The following TTL variants were observed in gnomAD, a reference collection of about 807,000 sequenced individuals.
TTL encodes tubulin tyrosine ligase, also known as tubulin--tyrosine ligase.
A neutral mutation model predicts 41.1 loss-of-function variants in TTL; 10 were observed. The observed-to-expected ratio is 0.24, with a 90% confidence interval of 0.15 to 0.41. The LOEUF is 0.41. Ranked by LOEUF, TTL falls within the 10% of genes least tolerant of loss-of-function variation. TTL has a pLI of 1.00. For missense variants in TTL, 367 were observed against 460.4 expected, an observed-to-expected ratio of 0.80 and a Z score of 1.86; for synonymous variants, 175 against 175.5, an observed-to-expected ratio of 1.00 and a Z score of 0.02.
In TTL at chr2:112,531,770, G is replaced by C. The variant is rs867040135; in HGVS notation, c.*2975G>C. 4.5e-6 allele frequency: 1 copy of C among 224,064 alleles called. No homozygotes were observed. Among genetic ancestry groups the C allele is most frequent in the East Asian group, 6.5e-5 (1 of 15,362 alleles). The allele number at this position is 224,064 out of a possible 1,614,324, so 13.9% of individuals were successfully genotyped here. A position where few individuals can be genotyped will look rare whatever the true frequency, so the allele number is the denominator to read the frequency against. On this transcript the variant is annotated 3_prime_UTR_variant, in exon 7 of 7. Transcript: ENST00000233336. ...CCGTATGTATTTATGGCACAAGCAGGTGTTGTCTAAGCAGTTTCTCTGTTT... is the reference window on the plus strand; with the variant it reads ...CCGTATGTATTTATGGCACAAGCAGCTGTTGTCTAAGCAGTTTCTCTGTTT...
chr2:112,485,853 C>T (rs1574051999), intron 1 of TTL, 64 bp from the exon 2 acceptor site: 2 of 1,401,168 alleles, frequency 1.4e-6, no homozygotes, highest in Admixed American at 2.0e-5. Context: ...GGGCATGACA[C>T]AGCTGTCCTC....
rs11644 is a variant in TTL at position 112,531,455 on chromosome 2, A to G, written c.*2660A>G. 55,035 of 229,272 alleles carry G rather than the reference A, an allele frequency of 0.24. 7,993 individuals carry two copies. Among genetic ancestry groups the G allele is most frequent in the East Asian group, 0.57 (9,146 of 15,972 alleles). 14.2% of individuals were successfully genotyped at this position (229,272 alleles called of 1,614,324 possible). ...ACCTCAAGGGCTTTTGATGAGGACA[A>G]GTGACAGTAGGAAGATGCAAGAGCC... On this transcript the variant is annotated 3_prime_UTR_variant, in exon 7 of 7. Transcript: ENST00000233336.
In TTL at chr2:112,521,457, G is replaced by A. The variant is rs373606084; in HGVS notation, c.1019+1032G>A. ...TCTTTCATGATGTCAAGACCCTTTC[G>A]TGGTTCCCATCTACATCTTGAAGAA... On this transcript the variant is annotated intron_variant, in intron 6 of 6. Transcript: ENST00000233336. 4.4e-4 allele frequency: 320 copies of A among 721,392 alleles called. 5 individuals carry two copies. In the South Asian group the frequency reaches 0.013, roughly 29 times the overall value. The allele number at this position is 721,392 out of a possible 1,614,324, so 44.7% of individuals were successfully genotyped here.
At chr2:112,490,685 C>A (rs1681359744) in intron 2 of TTL, among the ~76,000 whole-genome samples, 1 of 148,718 alleles carries the variant, frequency 6.7e-6, no homozygotes, top group African/African-American at 2.5e-5. Context: ...GATTCTCCTG[C>A]CTCAGCCTCC....
intron 5 of TTL, 112 bp downstream of exon 5, chr2:112,503,293 T>C (rs1387020685): frequency 1.1e-6 from 1 of 896,632 alleles, no homozygotes; most frequent in Non-Finnish European, 1.6e-6. Flanking sequence ...GTCAAAAATT[T>C]TTTGTAATAT....
At position 112,529,804 on chromosome 2, in the gene TTL, G is replaced by A. The variant is rs779855924; in HGVS notation, c.*1009G>A. On this transcript the variant is annotated 3_prime_UTR_variant, in exon 7 of 7. Transcript: ENST00000233336. ...ACAGGTTTCCTTCCAGGAAGGATTCGAGTTCCTGTGCCTGTGGGTATTAGG... is the reference window on the plus strand; with the variant it reads ...ACAGGTTTCCTTCCAGGAAGGATTCAAGTTCCTGTGCCTGTGGGTATTAGG... The A allele has an allele frequency of 1.4e-5, 3 of 220,940 alleles. No homozygotes were observed. The highest frequency in any genetic ancestry group is 2.2e-5 in the African/African-American group (1 of 44,700). 13.7% of individuals were successfully genotyped at this position (220,940 alleles called of 1,614,324 possible).
At chr2:112,519,992 C>T (rs1048460068) in intron 5 of TTL, among the ~76,000 whole-genome samples, 1 of 151,700 alleles carries the variant, frequency 6.6e-6, no homozygotes, top group African/African-American at 2.4e-5. Flanking sequence ...TAGCTGGGTG[C>T]GGTGGCGCAT....
chr2:112,514,617 GTA>G (rs1682018265), intron 5 of TTL, among the ~76,000 whole-genome samples: 1 of 152,032 alleles, frequency 6.6e-6, no homozygotes, highest in African/African-American at 2.4e-5. Context: ...TGCTCTTAAT[GTA>G]TCTCTTCTCT....
At chr2:112,484,560 C>T (rs1433658714) in intron 1 of TTL, among the ~76,000 whole-genome samples, 5 of 151,906 alleles carry the variant, frequency 3.3e-5, no homozygotes, top group East Asian at 1.9e-4. Flanking sequence ...CCACCGTGCC[C>T]GGCCAACATT....
chr2:112,503,278 T>G, intron 5 of TTL, 97 bp downstream of exon 5: 1 of 1,152,616 alleles, frequency 8.7e-7, no homozygotes, highest in Non-Finnish European at 1.2e-6. Flanking sequence ...GTTGTCTAAT[T>G]TATGGTCAAA....
chr2:112,484,143 G>A (rs1681170735), intron 1 of TTL, among the ~76,000 whole-genome samples: 1 of 151,980 alleles, frequency 6.6e-6, no homozygotes, highest in East Asian at 1.9e-4. Context: ...GCCTAGGAGT[G>A]AGAAGCAGAA....
At position 112,532,791 on chromosome 2, in the gene TTL, C is replaced by G. The variant is rs902231441; in HGVS notation, c.*3996C>G. On this transcript the variant is annotated 3_prime_UTR_variant, in exon 7 of 7. Coordinates refer to ENST00000233336, the MANE Select transcript of TTL (RefSeq NM_153712.5). The stretch of plus-strand genomic sequence containing the variant: ...TCTTAGCTCATAGGCCGTATAAAAG[C>G]AGGCCAGATGTGCAGTAATTTGCTG... 1.8e-4 allele frequency: 3 copies of G among 16,326 alleles called. No homozygotes were observed. The highest frequency in any genetic ancestry group is 1.3e-3 in the Admixed American group (2 of 1,544). 1.0% of individuals were successfully genotyped at this position (16,326 alleles called of 1,614,324 possible). A position where few individuals can be genotyped will look rare whatever the true frequency, so the allele number is the denominator to read the frequency against.
intron 3 of TTL, among the ~76,000 whole-genome samples, chr2:112,499,065 T>G (rs1333034487): frequency 6.6e-6 from 1 of 151,472 alleles, no homozygotes; most frequent in Non-Finnish European, 1.5e-5. Context: ...TCGGCTGAAA[T>G]CCCAGCAGAG....
rs540172891 is a variant in TTL at position 112,515,192 on chromosome 2, A to G, written c.876-5090A>G. Among the ~76,000 whole-genome samples the G allele has an allele frequency of 5.9e-5, 9 of 152,322 alleles. No homozygotes were observed. In the South Asian group the frequency reaches 1.9e-3, roughly 32 times the overall value. On this transcript the variant is annotated intron_variant, in intron 5 of 6. Transcript: ENST00000233336. ...GATAACTCCAAAATCTAGATTACCCATGGCAGAGTAATCCAGAGTATGCCC... is the reference window on the plus strand; with the variant it reads ...GATAACTCCAAAATCTAGATTACCCGTGGCAGAGTAATCCAGAGTATGCCC...
intron 3 of TTL, among the ~76,000 whole-genome samples, chr2:112,497,122 G>A (rs1190182794): frequency 7.9e-5 from 12 of 151,344 alleles, no homozygotes; most frequent in East Asian, 1.9e-4. Context: ...GCCCGGGCCC[G>A]CTCCCATCTC....
At chr2:112,503,823 T>A (rs1360096323) in intron 5 of TTL, among the ~76,000 whole-genome samples, 2 of 136,720 alleles carry the variant, frequency 1.5e-5, no homozygotes, top group Non-Finnish European at 1.6e-5. Context: ...TTTTTTTTTT[T>A]TTATTATACT....
At chr2:112,510,020 T>C (rs1681883567) in intron 5 of TTL, among the ~76,000 whole-genome samples, 1 of 152,152 alleles carries the variant, frequency 6.6e-6, no homozygotes, top group African/African-American at 2.4e-5. Flanking sequence ...TAGCTTTTGG[T>C]TTTATTGGTT....
chr2:112,499,083 C>T (rs745538297), intron 3 of TTL, among the ~76,000 whole-genome samples: 2 of 152,076 alleles, frequency 1.3e-5, no homozygotes, highest in African/African-American at 4.8e-5. Flanking sequence ...GAGGCCAAGG[C>T]GGCTGAATCA....
In TTL at chr2:112,530,616, C is replaced by G. The variant is rs762026884; in HGVS notation, c.*1821C>G. The G allele has an allele frequency of 2.2e-5, 5 of 225,946 alleles. No homozygotes were observed. Among genetic ancestry groups the G allele is most frequent in the Admixed American group, 1.1e-4 (2 of 17,518 alleles). 14.0% of individuals were successfully genotyped at this position (225,946 alleles called of 1,614,324 possible). A position where few individuals can be genotyped will look rare whatever the true frequency, so the allele number is the denominator to read the frequency against. On this transcript the variant is annotated 3_prime_UTR_variant, in exon 7 of 7. Coordinates refer to ENST00000233336, the MANE Select transcript of TTL (RefSeq NM_153712.5). ...CTGGCAAGTCTAGGTGGGCGGGTGA[C>G]AGGGAAAGCATGGGCATTTTTGTAT...
Sources: gnomAD v4.1 joint callset for allele counts (sites outside exome capture counted in the v4.1 genomes callset) on GRCh38, gnomAD v4.1.1 for gene constraint, MANE v1.5 for transcripts, NCBI Gene and HGNC (gene_info 2026-07-23, HGNC 2026-07-21) for gene names.